The following PCGF6 variants were observed in gnomAD, a reference collection of about 807,000 sequenced individuals.
PCGF6 encodes polycomb group RING finger protein 6.
A neutral mutation model predicts 45.5 loss-of-function variants in PCGF6; 24 were observed. That is an observed-to-expected ratio of 0.53 (90% CI 0.38 to 0.74). PCGF6 has a LOEUF of 0.74. Ranked by LOEUF, PCGF6 falls within the 30% of genes least tolerant of loss-of-function variation. PCGF6 has a pLI of 0.00. For synonymous variants in PCGF6, 152 were observed against 162.1 expected (o/e 0.94, Z 0.47); for missense variants, 356 against 443.2 (o/e 0.80, Z 1.77).
intron 5 of PCGF6, among the ~76,000 whole-genome samples, chr10:103,345,639 C>G (rs1397900416): frequency 6.6e-6 from 1 of 151,614 alleles, no homozygotes; most frequent in Non-Finnish European, 1.5e-5. Flanking sequence ...ACCAGCCTGG[C>G]CAACATCGCA....
chr10:103,342,566 C>T (rs2093284781), intron 6 of PCGF6, among the ~76,000 whole-genome samples: 1 of 152,044 alleles, frequency 6.6e-6, no homozygotes, highest in Non-Finnish European at 1.5e-5. Flanking sequence ...CAGGAATGGC[C>T]TGTACACATA....
In PCGF6 at chr10:103,303,310, G is replaced by C. The variant is rs1371464757; in HGVS notation, c.*595C>G. 1 of 152,358 alleles carries C rather than the reference G, an allele frequency of 6.6e-6. No individual in the cohort carries two copies. Among genetic ancestry groups the C allele is most frequent in the Non-Finnish European group, 1.5e-5 (1 of 68,056 alleles). The allele number at this position is 152,358 out of a possible 1,614,324, so 9.4% of individuals were successfully genotyped here. On this transcript the variant is annotated 3_prime_UTR_variant, in exon 10 of 10. Transcript: ENST00000369847. Reference sequence around the variant, plus strand: ...TTTTATGGCACAGATCATAAACTCAGAGTCTCTTCACACATAATAACAATT... The same window carrying C: ...TTTTATGGCACAGATCATAAACTCACAGTCTCTTCACACATAATAACAATT...
intron 8 of PCGF6, 67 bp downstream of exon 8, chr10:103,326,467 T>A: frequency 2.2e-6 from 2 of 897,468 alleles, no homozygotes; most frequent in Non-Finnish European, 3.3e-6. Flanking sequence ...TCCTACAGAG[T>A]TCTTTCTACA....
chr10:103,347,539 TG>T (rs2093304010), intron 3 of PCGF6, 89 bp from the exon 4 acceptor site: 1 of 1,058,650 alleles, frequency 9.4e-7, no homozygotes, highest in Admixed American at 2.3e-5. Flanking sequence ...CTCTTGAGAG[TG>T]GGTATCTTTT....
intron 6 of PCGF6, among the ~76,000 whole-genome samples, chr10:103,340,007 CAAAAAAAAAAA>C (rs60211186): frequency 8.3e-5 from 5 of 60,166 alleles, no homozygotes; most frequent in East Asian, 9.8e-4. Context: ...ACTAAAAATA[CAAAAAAAAAAA>C]AAAAAAAAAA....
At chr10:103,345,398 G>A (rs1215276930) in intron 5 of PCGF6, among the ~76,000 whole-genome samples, 1 of 152,112 alleles carries the variant, frequency 6.6e-6, no homozygotes, top group East Asian at 1.9e-4. Flanking sequence ...AACATGTGTA[G>A]ACAACCCTGC....
intron 8 of PCGF6, among the ~76,000 whole-genome samples, chr10:103,324,129 G>C (rs774817904): frequency 2.6e-5 from 4 of 151,166 alleles, no homozygotes; most frequent in Non-Finnish European, 5.9e-5. Context: ...AGTAGAGACA[G>C]GGTTTCACCG....
At chr10:103,315,649 G>A (rs1429470116) in intron 8 of PCGF6, among the ~76,000 whole-genome samples, 2 of 152,010 alleles carry the variant, frequency 1.3e-5, no homozygotes, top group Non-Finnish European at 2.9e-5. Flanking sequence ...GTGAGCCACC[G>A]TGCCCGGCCA....
intron 6 of PCGF6, among the ~76,000 whole-genome samples, chr10:103,339,188 G>A (rs2093269459): frequency 6.6e-6 from 1 of 152,106 alleles, no homozygotes; most frequent in Non-Finnish European, 1.5e-5. Context: ...GCCAAGGCGG[G>A]TAGATTGCTT....
chr10:103,314,081 G>A (rs1001984383), intron 9 of PCGF6, 105 bp downstream of exon 9: 8 of 481,542 alleles, frequency 1.7e-5, no homozygotes, highest in African/African-American at 1.6e-4. Context: ...TTATAGTGTA[G>A]GTAATTTTAA....
rs561422819 is a variant in PCGF6, at chr10:103,308,501, C to T, written c.997-4540G>A. ...GCAACCTCTGCCTCCCAGGTTCAAGCAATTCTCCTACCTCAGCCTCCCAAG... is the reference window on the plus strand; with the variant it reads ...GCAACCTCTGCCTCCCAGGTTCAAGTAATTCTCCTACCTCAGCCTCCCAAG... On this transcript the variant is annotated intron_variant, in intron 9 of 9. Transcript: ENST00000369847. Among the ~76,000 whole-genome samples the T allele has an allele frequency of 7.3e-5, 11 of 151,704 alleles. No homozygotes were observed. The East Asian group carries it at 2.0e-3, about 27-fold the overall frequency.
At chr10:103,310,162 G>C (rs1229564005) in intron 9 of PCGF6, among the ~76,000 whole-genome samples, 2 of 151,596 alleles carry the variant, frequency 1.3e-5, no homozygotes, top group African/African-American at 4.8e-5. Flanking sequence ...ATGTTAGCCA[G>C]GCTGGTCTTG....
intron 8 of PCGF6, among the ~76,000 whole-genome samples, chr10:103,316,906 G>A (rs1313956673): frequency 6.6e-6 from 1 of 152,062 alleles, no homozygotes; most frequent in Non-Finnish European, 1.5e-5. Context: ...TTTTTAGAGT[G>A]GTATTTCCAA....
chr10:103,321,488 C>T (rs879629892), intron 8 of PCGF6, among the ~76,000 whole-genome samples: 14 of 151,972 alleles, frequency 9.2e-5, no homozygotes, highest in South Asian at 2.1e-4. Flanking sequence ...CCAAGGTGGG[C>T]GGATCACGAG....
At chr10:103,349,539 G>A (rs1374613502) in intron 1 of PCGF6, among the ~76,000 whole-genome samples, 3 of 134,130 alleles carry the variant, frequency 2.2e-5, no homozygotes, top group Admixed American at 8.0e-5. Flanking sequence ...GGAGTGCAGC[G>A]GCAAGATCTC....
At position 103,348,888 on chromosome 10, in the gene PCGF6, C is replaced by G; in HGVS notation, c.460+12G>C. On this transcript the variant is annotated intron_variant, in intron 2 of 9. Transcript: ENST00000369847. The stretch of plus-strand genomic sequence containing the variant: ...CTGAAAAATTATTCAGAAATGTGAT[C>G]GGTATGCTTACAGGTATGAAGACAT... 2 of 1,605,460 alleles carry G rather than the reference C, an allele frequency of 1.2e-6. No individual in the cohort carries two copies. Among genetic ancestry groups the G allele is most frequent in the South Asian group, 1.1e-5 (1 of 90,074 alleles).
intron 9 of PCGF6, among the ~76,000 whole-genome samples, chr10:103,305,447 T>C (rs2093134920): frequency 6.6e-6 from 1 of 152,026 alleles, no homozygotes; most frequent in Non-Finnish European, 1.5e-5. Context: ...ATTTTCGTAA[T>C]TTTAGTAGAG....
At chr10:103,339,810 A>ACACAC (rs1554865095) in intron 6 of PCGF6, among the ~76,000 whole-genome samples, 3 of 32,224 alleles carry the variant, frequency 9.3e-5, no homozygotes, top group Non-Finnish European at 1.4e-4. Flanking sequence ...TCAAAAAAAA[A>ACACAC]ACACACACAC....
chr10:103,336,271 G>T (rs1265308302), intron 6 of PCGF6, among the ~76,000 whole-genome samples: 1 of 150,240 alleles, frequency 6.7e-6, no homozygotes, highest in Non-Finnish European at 1.5e-5. Flanking sequence ...TAAATAAAAA[G>T]AAAAAAGTAA....
Sources: gnomAD v4.1 joint callset for allele counts (sites outside exome capture counted in the v4.1 genomes callset) on GRCh38, gnomAD v4.1.1 for gene constraint, MANE v1.5 for transcripts, NCBI Gene and HGNC (gene_info 2026-07-23, HGNC 2026-07-21) for gene names.